PCDHGA10: variants seen among roughly 807,000 people sequenced by gnomAD.
PCDHGA10 encodes the protein protocadherin gamma-A10.
In PCDHGA10, 42 loss-of-function variants were observed where a neutral mutation model predicts 59.5. That is an observed-to-expected ratio of 0.71 (90% confidence interval 0.55 to 0.91). The LOEUF is 0.91. Ranked by LOEUF, PCDHGA10 falls within the 40% of genes least tolerant of loss-of-function variation. PCDHGA10 has a pLI of 0.00. For missense variants in PCDHGA10, 1,111 were observed against 1,198.2 expected, an observed-to-expected ratio of 0.93 and a Z score of 1.07; for synonymous variants, 511 against 517.2, an observed-to-expected ratio of 0.99 and a Z score of 0.16.
At chr5:141,480,085 A>G (rs2099512286) in intron 1 of PCDHGA10, among the ~76,000 whole-genome samples, 1 of 152,216 alleles carries the variant, frequency 6.6e-6, no homozygotes, top group Admixed American at 6.5e-5. Context: ...TGCATGATAT[A>G]ATGTATGCAA....
chr5:141,477,059 A>G lies in PCDHGA10; in HGVS notation c.2437-17748A>G. On this transcript the variant is annotated intron_variant, in intron 1 of 3. Coordinates refer to ENST00000398610, the MANE Select transcript of PCDHGA10 (RefSeq NM_018913.3). This position sits in a 1 kb window ranked among gnomAD's most constrained non-coding sequence, Gnocchi z 4.9. ...CAAGGGTCGGCTGGACTTCGAGGAC[A>G]CCAAACTCCATGAGATTTACATCCA... The G allele has an allele frequency of 1.2e-6, 2 of 1,614,238 alleles. No individual in the cohort carries two copies. Among genetic ancestry groups the G allele is most frequent in the Non-Finnish European group, 1.7e-6 (2 of 1,180,036 alleles).
intron 1 of PCDHGA10, chr5:141,442,107 C>A: frequency 6.0e-6 from 1 of 166,198 alleles, no homozygotes; most frequent in Non-Finnish European, 1.3e-5. Flanking sequence ...CCACCACTAC[C>A]GCCCCTCGTC....
chr5:141,433,064 A>T, intron 1 of PCDHGA10: 1 of 1,614,064 alleles, frequency 6.2e-7, no homozygotes, highest in Non-Finnish European at 8.5e-7. Context: ...GAGTCACCTG[A>T]TCTTCCCCCA....
Position 141,489,793 on chromosome 5 carries a change from C to T in PCDHGA10, c.2437-5014C>T, listed in dbSNP as rs749700050. On this transcript the variant is annotated intron_variant, in intron 1 of 3. Transcript: ENST00000398610. The surrounding 1 kb of genome is among the most constrained non-coding windows in gnomAD (Gnocchi z 4.5). ...CCACTTCTCTCTGAATGTGAAGACC[C>T]TAAAAGATGGGAAGCCATTCCCAGA... The T allele has an allele frequency of 6.2e-7, 1 of 1,614,044 alleles. No homozygotes were observed. Among genetic ancestry groups the T allele is most frequent in the Non-Finnish European group, 8.5e-7 (1 of 1,180,010 alleles).
chr5:141,498,737 G>A (rs1176793634), intron 2 of PCDHGA10, among the ~76,000 whole-genome samples: 1 of 152,076 alleles, frequency 6.6e-6, no homozygotes, highest in African/African-American at 2.4e-5. Context: ...TTTGAGACCA[G>A]CCTGGCCAAC....
Position 141,491,034 on chromosome 5 carries a change from T to C in PCDHGA10, c.2437-3773T>C, listed in dbSNP as rs375902824. On this transcript the variant is annotated intron_variant, in intron 1 of 3. Coordinates refer to ENST00000398610, the MANE Select transcript of PCDHGA10 (RefSeq NM_018913.3). The surrounding 1 kb of genome is among the most constrained non-coding windows in gnomAD (Gnocchi z 6.9). The stretch of plus-strand genomic sequence containing the variant: ...CCAAGGTGACAGCCGTGGATGCTGA[T>C]GCAGGCCACAATGCGTGGCTCTCCT... 19 of 1,614,170 alleles carry C rather than the reference T, an allele frequency of 1.2e-5. No homozygotes were observed. Among genetic ancestry groups the C allele is most frequent in the East Asian group, 4.5e-5 (2 of 44,894 alleles).
intron 1 of PCDHGA10, among the ~76,000 whole-genome samples, chr5:141,472,815 C>T (rs1562036829): frequency 1.3e-5 from 2 of 151,596 alleles, no homozygotes; most frequent in East Asian, 1.9e-4. Flanking sequence ...GAGAAACCCC[C>T]GTCTCTACTA....
chr5:141,478,249 A>T, intron 1 of PCDHGA10: 1 of 1,614,110 alleles, frequency 6.2e-7, no homozygotes, highest in African/African-American at 1.3e-5. Context: ...CAGTGTTCGG[A>T]GTAATCATAT....
At chr5:141,423,644 A>G in intron 1 of PCDHGA10, 1 of 1,592,866 alleles carries the variant, frequency 6.3e-7, no homozygotes, top group South Asian at 1.1e-5. Context: ...GGCAAATGTG[A>G]CCCGACAAGT....
chr5:141,431,004 G>A lies in PCDHGA10; in HGVS notation c.2436+15393G>A, dbSNP rs569594120. The A allele has an allele frequency of 6.2e-7, 1 of 1,614,048 alleles. No homozygotes were observed. The highest frequency in any genetic ancestry group is 1.1e-5 in the South Asian group (1 of 91,074). On this transcript the variant is annotated intron_variant, in intron 1 of 3. Coordinates refer to ENST00000398610, the MANE Select transcript of PCDHGA10 (RefSeq NM_018913.3). The surrounding 1 kb of genome is among the most constrained non-coding windows in gnomAD (Gnocchi z 4.8). ...CTTTTCGCCCTGAATCCGCGCAGCG[G>A]CAGCTTGGTCACGGCGGGCAGGATA... is the stretch of plus-strand genomic sequence containing the variant.
chr5:141,456,875 A>C (rs2098894225), intron 1 of PCDHGA10, among the ~76,000 whole-genome samples: 1 of 152,190 alleles, frequency 6.6e-6, no homozygotes, highest in African/African-American at 2.4e-5. Context: ...AGGCAGGAGA[A>C]TCGCTTGAAC....
chr5:141,506,115 T>C (rs1211973354), intron 3 of PCDHGA10, among the ~76,000 whole-genome samples: 1 of 152,062 alleles, frequency 6.6e-6, no homozygotes, highest in Admixed American at 6.5e-5. Context: ...GAAGAGTCAC[T>C]AGGGCCCAGA....
At chr5:141,475,957 G>A (rs776101269) in intron 1 of PCDHGA10, 148 of 812,416 alleles carry the variant, frequency 1.8e-4, no homozygotes, top group Non-Finnish European at 2.6e-4. Flanking sequence ...CTGCGCCCCG[G>A]GATGAGGCAG....
In PCDHGA10 at chr5:141,413,180, C is replaced by CCGCTCAAAGGAAT. The variant is rs760676891; in HGVS notation, c.20_32dup (p.Lys12LeufsTer34). ...GAATTCTGTAACCAGACTACAATGGCCGCTCAAAGGAATCGCTCAAAGGAA... is the reference window on the plus strand; with the variant it reads ...GAATTCTGTAACCAGACTACAATGGCCGCTCAAAGGAATCGCTCAAAGGAATCGCTCAAAGGAA... On this transcript the variant is annotated frameshift_variant, in exon 1 of 4. Coordinates refer to ENST00000398610, the MANE Select transcript of PCDHGA10 (RefSeq NM_018913.3). LOFTEE classifies it high-confidence loss of function. 4.7e-5 allele frequency: 75 copies of CCGCTCAAAGGAAT among 1,602,494 alleles called. No individual in the cohort carries two copies. Among genetic ancestry groups the CCGCTCAAAGGAAT allele is most frequent in the Non-Finnish European group, 6.1e-5 (71 of 1,173,452 alleles).
chr5:141,414,427 C>G lies in PCDHGA10; in HGVS notation c.1252C>G (p.Gln418Glu), dbSNP rs766147938. The G allele has an allele frequency of 6.2e-6, 10 of 1,613,684 alleles. No individual in the cohort carries two copies. The highest frequency in any genetic ancestry group is 1.6e-4 in the Middle Eastern group (1 of 6,084). Residue 418 changes from glutamine (Q) to glutamate (E), a missense_variant, in exon 1 of 4, where the codon CAG becomes GAG. Coordinates refer to ENST00000398610, the MANE Select transcript of PCDHGA10 (RefSeq NM_018913.3). ...GATACACAGAGCCCTTGACAGGGAA[C>G]AGGTATCCTCTTACAATATCACAGT... is the stretch of plus-strand genomic sequence containing the variant. ...LVIHRALDRE[Q>E]VSSYNITVTA...
chr5:141,502,862 C>T (rs2099816351), intron 2 of PCDHGA10, among the ~76,000 whole-genome samples: 1 of 68,558 alleles, frequency 1.5e-5, no homozygotes, highest in African/African-American at 1.0e-4. Context: ...CCCTGACTCT[C>T]TGTCTTTTTT....
At chr5:141,482,555 T>C (rs1419129474) in intron 1 of PCDHGA10, among the ~76,000 whole-genome samples, 1 of 116,392 alleles carries the variant, frequency 8.6e-6, no homozygotes, top group African/African-American at 3.8e-5. Context: ...AAAAAGATAA[T>C]GGAGATCTGC....
rs753954982 is a variant in PCDHGA10 at position 141,478,158 on chromosome 5, C to A, written c.2437-16649C>A. 9 of 1,613,936 alleles carry A rather than the reference C, an allele frequency of 5.6e-6. No individual in the cohort carries two copies. In the African/African-American group the frequency reaches 1.2e-4, roughly 22 times the overall value. On this transcript the variant is annotated intron_variant, in intron 1 of 3. Transcript: ENST00000398610. ...GCCCGAGCCGAGTTCCCCTCTGGCT[C>A]TGCCCCCCGGGAGCAGAAAAAAAAT...
chr5:141,419,996 C>G, intron 1 of PCDHGA10: 1 of 1,614,084 alleles, frequency 6.2e-7, no homozygotes, highest in Non-Finnish European at 8.5e-7. Context: ...AGCTATTGCT[C>G]TACGCCTGCG....
Sources: allele counts gnomAD v4.1 joint callset (sites outside exome capture counted in the v4.1 genomes callset), GRCh38; gene constraint gnomAD v4.1.1; non-coding constraint Gnocchi (gnomAD v3.1); transcripts MANE v1.5; gene names NCBI Gene and HGNC (gene_info 2026-07-23, HGNC 2026-07-21).